The following ZNF121 variants were observed in gnomAD, a reference collection of about 807,000 sequenced individuals.
ZNF121 encodes zinc finger protein 121.
A neutral mutation model predicts 2.4 loss-of-function variants in ZNF121; 1 was observed. The observed-to-expected ratio is 0.41, with a 90% confidence interval of 0.15 to 1.94. The LOEUF (loss-of-function observed/expected upper bound fraction) is 1.94. Ranked by LOEUF, ZNF121 falls within the 30% of genes most tolerant of loss-of-function variation. The probability of loss-of-function intolerance (pLI) is 0.30; values close to 1 mark genes in which losing one functional copy is unlikely to be tolerated. For synonymous variants in ZNF121, 173 were observed against 158.6 expected (o/e 1.09, Z -0.68); for missense variants, 369 against 466.3 (o/e 0.79, Z 1.92).
At chr19:9,569,844 T>C (rs893981496) in intron 1 of ZNF121, among the ~76,000 whole-genome samples, 1 of 151,100 alleles carries the variant, frequency 6.6e-6, no homozygotes, top group African/African-American at 2.4e-5. Flanking sequence ...AGATCTTTTT[T>C]TTTTTTTTTT....
chr19:9,567,207 T>C, intron 3 of ZNF121, 98 bp from the exon 4 acceptor site: 1 of 1,217,252 alleles, frequency 8.2e-7, no homozygotes, highest in Non-Finnish European at 1.1e-6. Context: ...ATTATAATTT[T>C]TGCCATTTTC....
At position 9,568,996 on chromosome 19, in the gene ZNF121, A is replaced by G. The variant is rs531629644; in HGVS notation, c.-79+6T>C. 4 of 153,102 alleles carry G rather than the reference A, an allele frequency of 2.6e-5. No homozygotes were observed. Among genetic ancestry groups the G allele is most frequent in the African/African-American group, 9.6e-5 (4 of 41,538 alleles). The allele number at this position is 153,102 out of a possible 1,614,324, so 9.5% of individuals were successfully genotyped here. A position where few individuals can be genotyped will look rare whatever the true frequency, so the allele number is the denominator to read the frequency against. ...CTCATTGACCAGGAGTGTTCTTCAT[A>G]CTCACCTTGGGGAACTCCGGTTGGC... On this transcript the variant is annotated splice_donor_region_variant and intron_variant, in intron 2 of 3. Coordinates refer to ENST00000320451, the MANE Select transcript of ZNF121 (RefSeq NM_001008727.5).
intron 3 of ZNF121, 96 bp downstream of exon 3, chr19:9,567,999 T>C: frequency 2.3e-6 from 3 of 1,333,052 alleles, no homozygotes; most frequent in Non-Finnish European, 2.1e-6. Flanking sequence ...CTTGAGTAAA[T>C]GTTACCTCTC....
At position 9,567,001 on chromosome 19, in the gene ZNF121, T is replaced by A; in HGVS notation, c.112A>T (p.Thr38Ser). The change falls in exon 4 of 4, where the codon ACT becomes TCT. Residue 38 changes from threonine to serine, a missense_variant. By Grantham distance (58) the Thr-to-Ser change is moderately conservative. Coordinates refer to ENST00000320451, the MANE Select transcript of ZNF121 (RefSeq NM_001008727.5). Reference sequence around the variant, plus strand: ...TCTCCATACTCATCACAGTCATAAGTGTCCCCTGTATTTTCAGTTCCCATG... The same window carrying A: ...TCTCCATACTCATCACAGTCATAAGAGTCCCCTGTATTTTCAGTTCCCATG... ...AHMGTENTGD[T>S]YDCDEYGENF... 6.2e-7 allele frequency: 1 copy of A among 1,614,174 alleles called. No individual in the cohort carries two copies. The highest frequency in any genetic ancestry group is 1.1e-5 in the South Asian group (1 of 91,084).
Position 9,567,244 on chromosome 19 carries a change from T to C in ZNF121, c.4-135A>G, listed in dbSNP as rs2074140500. 2 of 729,920 alleles carry C rather than the reference T, an allele frequency of 2.7e-6. 1 individual carries two copies. The highest frequency in any genetic ancestry group is 4.1e-5 in the South Asian group (2 of 48,204). 45.2% of individuals were successfully genotyped at this position (729,920 alleles called of 1,614,324 possible). On this transcript the variant is annotated intron_variant, in intron 3 of 3. Coordinates refer to ENST00000320451, the MANE Select transcript of ZNF121 (RefSeq NM_001008727.5). ...TTACATGCATACAGTTGCTGCCCCA[T>C]GTATTTCTTACAAGTTGAATGAAGA...
At chr19:9,577,136 C>G (rs1599741330) in intron 1 of ZNF121, among the ~76,000 whole-genome samples, 2 of 152,178 alleles carry the variant, frequency 1.3e-5, no homozygotes, top group African/African-American at 4.8e-5. Flanking sequence ...CAGAGAAGAG[C>G]ACAACAGCAA....
At chr19:9,582,508 C>T (rs2074254597) in intron 1 of ZNF121, among the ~76,000 whole-genome samples, 2 of 152,150 alleles carry the variant, frequency 1.3e-5, no homozygotes, top group South Asian at 2.1e-4. Flanking sequence ...CTACCCAAAT[C>T]CTATAAAACT....
chr19:9,570,830 C>G (rs2144811594), intron 1 of ZNF121, among the ~76,000 whole-genome samples: 1 of 152,328 alleles, frequency 6.6e-6, no homozygotes, highest in East Asian at 1.9e-4. Context: ...ATCTGCCCGC[C>G]TCAGCCTCCC....
At chr19:9,577,125 G>A (rs1305464159) in intron 1 of ZNF121, among the ~76,000 whole-genome samples, 1 of 152,192 alleles carries the variant, frequency 6.6e-6, no homozygotes, top group African/African-American at 2.4e-5. Flanking sequence ...CATATCAAAA[G>A]CAGAGAAGAG....
At chr19:9,567,840 G>T in intron 3 of ZNF121, 1 of 369,692 alleles carries the variant, frequency 2.7e-6, no homozygotes. Context: ...TGGAGTATAT[G>T]ACAGGCAGTA....
chr19:9,563,645 G>C lies in ZNF121; in HGVS notation c.*2295C>G, dbSNP rs941117743. The C allele has an allele frequency of 6.6e-6, 1 of 152,198 alleles. No homozygotes were observed. Among genetic ancestry groups the C allele is most frequent in the East Asian group, 1.9e-4 (1 of 5,182 alleles). The allele number at this position is 152,198 out of a possible 1,614,324, so 9.4% of individuals were successfully genotyped here. Reference sequence around the variant, plus strand: ...ACGCTCTGTTGTGCTGGCTGGTCTTGAACTCTTGACCTCAAGTGATCCTCC... The same window carrying C: ...ACGCTCTGTTGTGCTGGCTGGTCTTCAACTCTTGACCTCAAGTGATCCTCC... On this transcript the variant is annotated 3_prime_UTR_variant, in exon 4 of 4. Transcript: ENST00000320451.
Position 9,561,778 on chromosome 19 carries a change from G to A in ZNF121, c.*4162C>T, listed in dbSNP as rs2074102100. 6.6e-6 allele frequency: 1 copy of A among 152,022 alleles called. No homozygotes were observed. Among genetic ancestry groups the A allele is most frequent in the Admixed American group, 6.6e-5 (1 of 15,250 alleles). The allele number at this position is 152,022 out of a possible 1,614,324, so 9.4% of individuals were successfully genotyped here. A position where few individuals can be genotyped will look rare whatever the true frequency, so the allele number is the denominator to read the frequency against. ...ATGTGCCTGTGGTCCCAGGTACTCA[G>A]GAGACTCAGGTGGGAGGATCGCTTG... On this transcript the variant is annotated 3_prime_UTR_variant, in exon 4 of 4. Coordinates refer to ENST00000320451, the MANE Select transcript of ZNF121 (RefSeq NM_001008727.5).
intron 1 of ZNF121, among the ~76,000 whole-genome samples, chr19:9,580,320 G>GA (rs1387189128): frequency 6.6e-6 from 1 of 151,176 alleles, no homozygotes; most frequent in East Asian, 1.9e-4. Context: ...AAAAAAGATA[G>GA]ATATTCCCTT....
At position 9,564,353 on chromosome 19, in the gene ZNF121, G is replaced by A. The variant is rs2074116864; in HGVS notation, c.*1587C>T. The A allele has an allele frequency of 6.6e-6, 1 of 152,038 alleles. No individual in the cohort carries two copies. Among genetic ancestry groups the A allele is most frequent in the African/African-American group, 2.4e-5 (1 of 41,388 alleles). The allele number at this position is 152,038 out of a possible 1,614,324, so 9.4% of individuals were successfully genotyped here. A position where few individuals can be genotyped will look rare whatever the true frequency, so the allele number is the denominator to read the frequency against. ...TGAATACCCACTTGTACTCCAGCAT[G>A]AACAACACAGCGAGACCTTGTCTCT... is the stretch of plus-strand genomic sequence containing the variant. On this transcript the variant is annotated 3_prime_UTR_variant, in exon 4 of 4. Coordinates refer to ENST00000320451, the MANE Select transcript of ZNF121 (RefSeq NM_001008727.5).
Position 9,566,318 on chromosome 19 carries a change from G to A in ZNF121, c.795C>T (p.Phe265=), listed in dbSNP as rs758815344. ...GATTCTTAAGGCATGAAGAGCTTCT[G>A]AAGGATTTTCCACATACCTTACATT... ...PFECKVCGKS[F]RSSSCLKNHF... is the part of the protein sequence containing the mutation. The change falls in exon 4 of 4, where the codon TTC becomes TTT. Residue 265 remains phenylalanine, a synonymous_variant. Transcript: ENST00000320451. 2.5e-6 allele frequency: 4 copies of A among 1,613,728 alleles called. No individual in the cohort carries two copies. In the South Asian group the frequency reaches 3.3e-5, roughly 13 times the overall value.
chr19:9,563,277 A>C lies in ZNF121; in HGVS notation c.*2663T>G, dbSNP rs2074111451. The C allele has an allele frequency of 6.6e-6, 1 of 152,194 alleles. No homozygotes were observed. The highest frequency in any genetic ancestry group is 1.5e-5 in the Non-Finnish European group (1 of 68,046). 9.4% of individuals were successfully genotyped at this position (152,194 alleles called of 1,614,324 possible). On this transcript the variant is annotated 3_prime_UTR_variant, in exon 4 of 4. Transcript: ENST00000320451. ...CAACATTCCCTTAAGCCAAAACCTA[A>C]TCCAGAGCAAGGCCCTAACTCTAAT...
Position 9,565,449 on chromosome 19 carries a change from C to T in ZNF121, c.*491G>A, listed in dbSNP as rs1037169359. The T allele has an allele frequency of 9.9e-5, 14 of 141,294 alleles. No homozygotes were observed. The highest frequency in any genetic ancestry group is 3.6e-4 in the African/African-American group (14 of 38,988). The allele number at this position is 141,294 out of a possible 1,614,324, so 8.8% of individuals were successfully genotyped here. A position where few individuals can be genotyped will look rare whatever the true frequency, so the allele number is the denominator to read the frequency against. ...CTTTGGGAGGCCAAGGCGGGTGGATCACCTGAGGTCAGGAGCTCGAGACCA... is the reference window on the plus strand; with the variant it reads ...CTTTGGGAGGCCAAGGCGGGTGGATTACCTGAGGTCAGGAGCTCGAGACCA... On this transcript the variant is annotated 3_prime_UTR_variant, in exon 4 of 4. Coordinates refer to ENST00000320451, the MANE Select transcript of ZNF121 (RefSeq NM_001008727.5).
chr19:9,573,568 G>C (rs567756630), intron 1 of ZNF121, among the ~76,000 whole-genome samples: 1 of 152,144 alleles, frequency 6.6e-6, no homozygotes, highest in African/African-American at 2.4e-5. Context: ...CAAGTGCAAG[G>C]GGTAAGCTTT....
In ZNF121 at chr19:9,560,331, C is replaced by T. The variant is rs912125360; in HGVS notation, c.*5609G>A. The T allele has an allele frequency of 6.6e-6, 1 of 152,188 alleles. No individual in the cohort carries two copies. Among genetic ancestry groups the T allele is most frequent in the Non-Finnish European group, 1.5e-5 (1 of 68,026 alleles). 9.4% of individuals were successfully genotyped at this position (152,188 alleles called of 1,614,324 possible). ...AGCACAAAATTGACCCAAGTAACTTCTTTTATTACAATTTTTATTGTGATA... is the reference window on the plus strand; with the variant it reads ...AGCACAAAATTGACCCAAGTAACTTTTTTTATTACAATTTTTATTGTGATA... On this transcript the variant is annotated 3_prime_UTR_variant, in exon 4 of 4. Transcript: ENST00000320451.
Sources: allele counts gnomAD v4.1 joint callset (sites outside exome capture counted in the v4.1 genomes callset), GRCh38; gene constraint gnomAD v4.1.1; transcripts MANE v1.5; gene names NCBI Gene and HGNC (gene_info 2026-07-23, HGNC 2026-07-21).